The following CNTN6 variants were observed in gnomAD, a reference collection of about 807,000 sequenced individuals.
CNTN6 encodes the protein contactin 6.
In CNTN6, 137 loss-of-function variants were observed where a neutral mutation model predicts 122.8. The ratio of observed to expected loss-of-function variants is 1.12; its 90% confidence interval spans 0.97 to 1.29. CNTN6 has a LOEUF of 1.29. Ranked by LOEUF, CNTN6 falls within the 50% of genes most tolerant of loss-of-function variation. The pLI is 0.00. For synonymous variants in CNTN6, 570 were observed against 426.0 expected (o/e 1.34, Z -4.16); for missense variants, 1,634 against 1,223.4 (o/e 1.34, Z -5.01).
At chr3:1,170,236 CAAA>C (rs10525769) in intron 2 of CNTN6, among the ~76,000 whole-genome samples, 7 of 107,458 alleles carry the variant, frequency 6.5e-5, no homozygotes, top group African/African-American at 1.4e-4. Flanking sequence ...GGCTCCATCT[CAAA>C]AAAAAAAAAA....
chr3:1,169,556 G>A (rs1263236409), intron 2 of CNTN6, among the ~76,000 whole-genome samples: 2 of 152,180 alleles, frequency 1.3e-5, no homozygotes, highest in African/African-American at 2.4e-5. Context: ...AATATAAAGA[G>A]GCTTTATGGT....
intron 2 of CNTN6, among the ~76,000 whole-genome samples, chr3:1,175,737 G>A (rs1007868529): frequency 2.6e-5 from 4 of 152,188 alleles, no homozygotes; most frequent in African/African-American, 9.7e-5. Context: ...TGGAAAGAAT[G>A]AGAATTAAAA....
intron 1 of CNTN6, among the ~76,000 whole-genome samples, chr3:1,136,756 T>C (rs1484097725): frequency 6.6e-6 from 1 of 152,138 alleles, no homozygotes; most frequent in Non-Finnish European, 1.5e-5. Context: ...GTCTGTAAGA[T>C]TGGCCATCGG....
At chr3:1,381,145 T>A (rs942717534) in intron 17 of CNTN6, among the ~76,000 whole-genome samples, 1 of 152,184 alleles carries the variant, frequency 6.6e-6, no homozygotes, top group Non-Finnish European at 1.5e-5. Flanking sequence ...CCCCTATTTA[T>A]GTAGATGAAC....
intron 1 of CNTN6, among the ~76,000 whole-genome samples, chr3:1,102,786 A>G (rs1574846402): frequency 6.7e-6 from 1 of 149,196 alleles, no homozygotes; most frequent in East Asian, 2.0e-4. Flanking sequence ...TAGGTAGGCT[A>G]TATAATACAC....
chr3:1,368,580 T>C (rs1295378791), intron 12 of CNTN6, among the ~76,000 whole-genome samples: 1 of 152,160 alleles, frequency 6.6e-6, no homozygotes, highest in Non-Finnish European at 1.5e-5. Flanking sequence ...GAGTGACTGA[T>C]GTCACTGAAG....
chr3:1,377,752 T>C (rs1253562734), intron 17 of CNTN6, among the ~76,000 whole-genome samples: 1 of 152,168 alleles, frequency 6.6e-6, no homozygotes, highest in African/African-American at 2.4e-5. Flanking sequence ...CTTTAATTTA[T>C]CTTTCCCCAT....
At chr3:1,337,615 G>A (rs1703258235) in intron 11 of CNTN6, among the ~76,000 whole-genome samples, 1 of 152,064 alleles carries the variant, frequency 6.6e-6, no homozygotes, top group Non-Finnish European at 1.5e-5. Context: ...GTATCAAACA[G>A]GCAAATGAAC....
chr3:1,388,122 C>A (rs1028272038), intron 20 of CNTN6, among the ~76,000 whole-genome samples: 2 of 152,126 alleles, frequency 1.3e-5, no homozygotes, highest in African/African-American at 4.8e-5. Flanking sequence ...CACAGACAAA[C>A]AAAAAGACAG....
Position 1,327,593 on chromosome 3 carries a change from C to A in CNTN6, c.1213+7C>A. On this transcript the variant is annotated splice_region_variant and intron_variant, in intron 10 of 22. Coordinates refer to ENST00000446702, the MANE Select transcript of CNTN6 (RefSeq NM_001289080.2). ...GCTGAATTGAGAGTTTTAGGTAAGT[C>A]GTTTATTTACAACCAACAAATTCAA... 1 of 1,607,386 alleles carries A rather than the reference C, an allele frequency of 6.2e-7. No homozygotes were observed. Among genetic ancestry groups the A allele is most frequent in the South Asian group, 1.1e-5 (1 of 90,610 alleles).
At chr3:1,384,265 G>GATTA (rs775364059) in intron 19 of CNTN6, among the ~76,000 whole-genome samples, 1 of 151,666 alleles carries the variant, frequency 6.6e-6, no homozygotes, top group East Asian at 1.9e-4. Context: ...GTGATTATAT[G>GATTA]ATTAATTATT....
At chr3:1,288,941 G>C (rs1055426891) in intron 5 of CNTN6, among the ~76,000 whole-genome samples, 1 of 152,080 alleles carries the variant, frequency 6.6e-6, no homozygotes, top group African/African-American at 2.4e-5. Context: ...TGTAGAGGAC[G>C]AAGTCATTGT....
intron 1 of CNTN6, among the ~76,000 whole-genome samples, chr3:1,121,381 G>A (rs1197377242): frequency 1.3e-5 from 2 of 151,802 alleles, no homozygotes; most frequent in African/African-American, 4.8e-5. Flanking sequence ...TCCTTTATAA[G>A]GTCTTTGTGT....
intron 2 of CNTN6, among the ~76,000 whole-genome samples, chr3:1,165,871 A>G (rs934918302): frequency 6.6e-6 from 1 of 151,806 alleles, no homozygotes; most frequent in African/African-American, 2.4e-5. Flanking sequence ...TTCTTCGAGC[A>G]CTCCCCATTT....
chr3:1,398,687 A>G (rs1204140594), intron 20 of CNTN6, among the ~76,000 whole-genome samples: 2 of 151,844 alleles, frequency 1.3e-5, no homozygotes, highest in Non-Finnish European at 2.9e-5. Context: ...TTTATTTCAT[A>G]TCTCATAAAT....
rs369581971 is a variant in CNTN6, at chr3:1,283,559, G to T, written c.454+5051G>T. On this transcript the variant is annotated intron_variant, in intron 5 of 22. Transcript: ENST00000446702. ...AAACTTCCATGGACCCAGTGAGTTAGTCCAGCCTCATAGGAAATCTTATTT... is the reference window on the plus strand; with the variant it reads ...AAACTTCCATGGACCCAGTGAGTTATTCCAGCCTCATAGGAAATCTTATTT... 5.3e-5 allele frequency among the ~76,000 whole-genome samples: 8 copies of T among 152,312 alleles called. No homozygotes were observed. The East Asian group carries it at 1.5e-3, about 29-fold the overall frequency.
intron 1 of CNTN6, among the ~76,000 whole-genome samples, chr3:1,114,177 C>T (rs1034445212): frequency 1.3e-5 from 2 of 152,058 alleles, no homozygotes; most frequent in African/African-American, 2.4e-5. Context: ...TTTGGCAGAA[C>T]GGGAGGGTTG....
intron 1 of CNTN6, among the ~76,000 whole-genome samples, chr3:1,142,968 GTATATATA>G (rs3043051): frequency 0.12 from 15,052 of 128,662 alleles, 930 homozygotes; most frequent in Non-Finnish European, 0.14. Context: ...GTGTGTGTGT[GTATATATA>G]TATATATATA....
intron 4 of CNTN6, among the ~76,000 whole-genome samples, chr3:1,243,329 TG>T (rs2094514425): frequency 2.6e-5 from 4 of 152,166 alleles, no homozygotes; most frequent in Admixed American, 2.6e-4. Context: ...TTCAGGTGTT[TG>T]GAAGTTCTTG....
Sources: allele counts gnomAD v4.1 joint callset (sites outside exome capture counted in the v4.1 genomes callset), GRCh38; gene constraint gnomAD v4.1.1; transcripts MANE v1.5; gene names NCBI Gene and HGNC (gene_info 2026-07-23, HGNC 2026-07-21).